Variants in DACH2 observed in about 807,000 individuals in gnomAD.
DACH2 encodes the protein dachshund homolog 2.
In DACH2, 17 loss-of-function variants were observed where a neutral mutation model predicts 35.8. The observed-to-expected ratio is 0.48, with a 90% CI of 0.33 to 0.71. The LOEUF is 0.71. DACH2 is among the 30% of genes least tolerant of loss of function. The probability of loss-of-function intolerance (pLI) is 0.02; values close to 1 mark genes in which losing one functional copy is unlikely to be tolerated. For synonymous variants in DACH2, 195 were observed against 177.3 expected (o/e 1.10, Z -0.79); for missense variants, 469 against 472.7 (o/e 0.99, Z 0.07).
chrX:86,768,021 G>A (rs1399544296), intron 7 of DACH2, among the ~76,000 whole-genome samples: 1 of 111,569 alleles, frequency 9.0e-6, no homozygotes, highest in Admixed American at 9.6e-5. Context: ...GCCAGGAAAA[G>A]TCAGGAGATA....
At chrX:86,466,414 G>T (rs1312050883) in intron 2 of DACH2, among the ~76,000 whole-genome samples, 7 of 110,113 alleles carry the variant, frequency 6.4e-5, no homozygotes, top group Non-Finnish European at 1.1e-4. Flanking sequence ...TACAATACAA[G>T]ATGAGATTTG....
intron 2 of DACH2, among the ~76,000 whole-genome samples, chrX:86,452,987 G>A (rs1037297487): frequency 2.7e-5 from 3 of 110,825 alleles, no homozygotes; most frequent in African/African-American, 9.8e-5. Context: ...CACTTTTTTA[G>A]CTGCATCCCA....
At chrX:86,442,355 T>TTGTGTGTG (rs780963312) in intron 2 of DACH2, among the ~76,000 whole-genome samples, 30 of 71,318 alleles carry the variant, frequency 4.2e-4, no homozygotes, top group African/African-American at 8.8e-4. Flanking sequence ...AAGTAGTATT[T>TTGTGTGTG]TGTGTGTGTG....
intron 11 of DACH2, chrX:86,830,307 G>C (rs1483974373): frequency 8.9e-6 from 1 of 112,009 alleles, no homozygotes; most frequent in African/African-American, 3.2e-5. Context: ...AACCAAATAT[G>C]TGTCAACATT....
At chrX:86,743,577 A>C (rs2147263893) in intron 7 of DACH2, among the ~76,000 whole-genome samples, 1 of 111,607 alleles carries the variant, frequency 9.0e-6, no homozygotes, top group South Asian at 3.7e-4. Flanking sequence ...CATGAACTGA[A>C]GAGTTAATGA....
At chrX:86,537,054 T>C (rs1220697624) in intron 3 of DACH2, among the ~76,000 whole-genome samples, 1 of 111,378 alleles carries the variant, frequency 9.0e-6, no homozygotes, top group Admixed American at 9.6e-5. Flanking sequence ...TCCCAAGATA[T>C]TGGAGACATC....
At chrX:86,149,845 G>A (rs2030301822) in intron 1 of DACH2, among the ~76,000 whole-genome samples, 2 of 112,120 alleles carry the variant, frequency 1.8e-5, no homozygotes, top group Non-Finnish European at 3.8e-5. Context: ...TCTGCAGAGG[G>A]CAATGTGGGG....
intron 4 of DACH2, among the ~76,000 whole-genome samples, chrX:86,691,761 CTTG>C (rs2041013028): frequency 9.0e-6 from 1 of 111,620 alleles, no homozygotes; most frequent in South Asian, 3.7e-4. Context: ...AAACTAAATT[CTTG>C]TTGTTTAAGC....
chrX:86,211,870 T>C (rs1260077748), intron 1 of DACH2, among the ~76,000 whole-genome samples: 1 of 111,858 alleles, frequency 8.9e-6, no homozygotes, highest in Non-Finnish European at 1.9e-5. Context: ...CAGACTTTTG[T>C]GGAAAACATA....
intron 3 of DACH2, among the ~76,000 whole-genome samples, chrX:86,591,370 C>T (rs6524674): frequency 0.41 from 44,584 of 109,553 alleles, 8,545 homozygotes; most frequent in African/African-American, 0.74. Context: ...ATGGTATTTC[C>T]AGTTCTAGAT....
rs12011688 is a variant in DACH2 at position 86,576,872 on chromosome X, C to G, written c.640+62481C>G. ...TCTCCCTCTCTCACTTCCTCCCTTC[C>G]CATATAATCTCTGCACACACCAGCT... On this transcript the variant is annotated intron_variant, in intron 3 of 11. Transcript: ENST00000373125. 7.6e-3 allele frequency among the ~76,000 whole-genome samples: 845 copies of G among 110,785 alleles called. 11 individuals are homozygous for G. Among genetic ancestry groups the G allele is most frequent in the African/African-American group, 0.027 (808 of 30,454 alleles).
intron 2 of DACH2, among the ~76,000 whole-genome samples, chrX:86,429,319 C>T (rs1445539853): frequency 9.0e-6 from 1 of 110,618 alleles, no homozygotes; most frequent in South Asian, 3.8e-4. Context: ...CTCCCAGTTG[C>T]ATTTTACCCC....
Position 86,468,493 on chromosome X carries a change from T to TAA in DACH2, c.528-45784_528-45783dup, listed in dbSNP as rs1396674484. On this transcript the variant is annotated intron_variant, in intron 2 of 11. Coordinates refer to ENST00000373125, the MANE Select transcript of DACH2 (RefSeq NM_053281.3). ...CTTATTTAACTACAACAACTTCTTTTAAAGTGTTAGAAACTCTATTCATTG... is the reference window on the plus strand; with the variant it reads ...CTTATTTAACTACAACAACTTCTTTTAAAAAGTGTTAGAAACTCTATTCATTG... Among the ~76,000 whole-genome samples, 16 of 111,642 alleles carry TAA rather than the reference T, an allele frequency of 1.4e-4. No homozygotes were observed. The Admixed American group carries it at 1.5e-3, about 11-fold the overall frequency.
intron 3 of DACH2, among the ~76,000 whole-genome samples, chrX:86,635,596 G>C (rs888212965): frequency 9.0e-6 from 1 of 111,519 alleles, no homozygotes; most frequent in Non-Finnish European, 1.9e-5. Flanking sequence ...AGCAATCTCT[G>C]TTTGCAGATG....
chrX:86,543,439 C>A (rs753876795), intron 3 of DACH2, among the ~76,000 whole-genome samples: 11 of 111,710 alleles, frequency 9.8e-5, no homozygotes, highest in Non-Finnish European at 1.7e-4. Context: ...CACCTCCAAA[C>A]GACTGCACTA....
At chrX:86,818,514 C>A (rs2147357947) in intron 11 of DACH2, among the ~76,000 whole-genome samples, 1 of 111,255 alleles carries the variant, frequency 9.0e-6, no homozygotes, top group South Asian at 3.7e-4. Context: ...ACATGAAATG[C>A]AAGCTTAGCC....
In DACH2 at chrX:86,648,729, T is replaced by C. The variant is rs190548506; in HGVS notation, c.641-2307T>C. Among the ~76,000 whole-genome samples, 54 of 110,909 alleles carry C rather than the reference T, an allele frequency of 4.9e-4. No individual in the cohort carries two copies. The Middle Eastern group carries it at 0.014, about 29-fold the overall frequency. ...TCCAAGCTCATCAAGTTGTACACAT[T>C]ATATATGTACAGATTTTTGTATCTC... On this transcript the variant is annotated intron_variant, in intron 3 of 11. Coordinates refer to ENST00000373125, the MANE Select transcript of DACH2 (RefSeq NM_053281.3).
At chrX:86,214,488 A>T (rs2032523428) in intron 1 of DACH2, among the ~76,000 whole-genome samples, 1 of 112,179 alleles carries the variant, frequency 8.9e-6, no homozygotes, top group Admixed American at 9.5e-5. Context: ...CTTGGCTTCT[A>T]TCCAAGTAAG....
Position 86,769,649 on chromosome X carries a change from G to T in DACH2, c.1240+29767G>T, listed in dbSNP as rs376176982. On this transcript the variant is annotated intron_variant, in intron 7 of 11. Transcript: ENST00000373125. Reference sequence around the variant, plus strand: ...TACTTTTTTTAAATTCTAGGTGCATGTATCTGTAGTCATATAGGCATATAG... The same window carrying T: ...TACTTTTTTTAAATTCTAGGTGCATTTATCTGTAGTCATATAGGCATATAG... Among the ~76,000 whole-genome samples, 8 of 111,535 alleles carry T rather than the reference G, an allele frequency of 7.2e-5. No individual in the cohort carries two copies. In the East Asian group the frequency reaches 2.0e-3, roughly 27 times the overall value.
Sources: gnomAD v4.1 joint callset for allele counts (sites outside exome capture counted in the v4.1 genomes callset) on GRCh38, gnomAD v4.1.1 for gene constraint, MANE v1.5 for transcripts, NCBI Gene and HGNC (gene_info 2026-07-23, HGNC 2026-07-21) for gene names.